COL6A5: variants seen among roughly 807,000 people sequenced by gnomAD.
The protein encoded by COL6A5 is collagen type VI alpha 5 chain.
In COL6A5, 48 loss-of-function variants were observed where a neutral mutation model predicts 65.6. That is an observed-to-expected ratio of 0.73 (90% CI 0.58 to 0.93). COL6A5 has a LOEUF of 0.93. Among genes scored for constraint, COL6A5 ranks in the 40% least tolerant of loss-of-function variants. The pLI, the probability that COL6A5 is intolerant of heterozygous loss-of-function variation, is 0.00. For missense variants in COL6A5, 914 were observed against 928.3 expected, an observed-to-expected ratio of 0.98 and a Z score of 0.20; for synonymous variants, 291 against 322.8, an observed-to-expected ratio of 0.90 and a Z score of 1.05.
At chr3:130,465,720 C>T (rs1216883900) in intron 5 of COL6A5, among the ~76,000 whole-genome samples, 3 of 152,008 alleles carry the variant, frequency 2.0e-5, no homozygotes, top group South Asian at 2.1e-4. Flanking sequence ...AAGCACAAAA[C>T]ATAATGAAGA....
intron 1 of COL6A5, among the ~76,000 whole-genome samples, chr3:130,362,310 A>T (rs1290439057): frequency 1.3e-5 from 1 of 76,790 alleles, no homozygotes; most frequent in Admixed American, 1.4e-4. Flanking sequence ...ATATATATAT[A>T]TATATATATA....
chr3:130,473,413 C>T (rs1387882120), intron 7 of COL6A5, among the ~76,000 whole-genome samples: 2 of 151,944 alleles, frequency 1.3e-5, no homozygotes, highest in Non-Finnish European at 2.9e-5. Flanking sequence ...GAAAAGAGGC[C>T]CCATGCATTA....
chr3:130,436,530 G>T (rs1030945259), intron 1 of COL6A5, among the ~76,000 whole-genome samples: 1 of 152,064 alleles, frequency 6.6e-6, no homozygotes, highest in Non-Finnish European at 1.5e-5. Context: ...GTCACATTTG[G>T]ATTCCTACTA....
chr3:130,418,425 A>G lies in COL6A5; in HGVS notation c.4888-444A>G, dbSNP rs115594554. On this transcript the variant is annotated intron_variant and NMD_transcript_variant, in intron 24 of 41. Coordinates refer to the COL6A5 transcript ENST00000312481. ...CTCAGGCTCACCAAATCTGACTTAGACTCCCCTTCTGTTTGCTTCCATAGC... is the reference window on the plus strand; with the variant it reads ...CTCAGGCTCACCAAATCTGACTTAGGCTCCCCTTCTGTTTGCTTCCATAGC... 7.6e-3 allele frequency among the ~76,000 whole-genome samples: 1,145 copies of G among 151,184 alleles called. 17 individuals carry two copies. The highest frequency in any genetic ancestry group is 0.025 in the African/African-American group (1,044 of 41,144).
At chr3:130,383,129 A>G (rs942552261) in intron 4 of COL6A5, among the ~76,000 whole-genome samples, 3 of 152,074 alleles carry the variant, frequency 2.0e-5, no homozygotes, top group African/African-American at 7.2e-5. Context: ...TGAGGCCTTG[A>G]GCCAAGGGAC....
At chr3:130,355,367 A>G (rs1934885706) in intron 1 of COL6A5, among the ~76,000 whole-genome samples, 1 of 152,184 alleles carries the variant, frequency 6.6e-6, no homozygotes, top group Admixed American at 6.5e-5. Flanking sequence ...TGCCCCTATA[A>G]AACACAAACA....
chr3:130,403,481 A>G, intron 12 of COL6A5, 128 bp from the exon 13 acceptor site: 1 of 715,348 alleles, frequency 1.4e-6, no homozygotes, highest in Non-Finnish European at 2.4e-6. Flanking sequence ...CCCCAAACTC[A>G]CGGCCACATC....
At chr3:130,385,258 A>G (rs1437910395) in exon 5 of COL6A5, 15 of 1,550,860 alleles carry the variant, frequency 9.7e-6, no homozygotes, top group Non-Finnish European at 1.2e-5. Flanking sequence ...ATAAAATAGA[A>G]CTGCAAGAAA....
At position 130,395,523 on chromosome 3, in the gene COL6A5, A is replaced by G. The variant is rs61588846; in HGVS notation, c.3568+58A>G. ...AAACTTCTCATTTCTCCATTTCCCA[A>G]GAGTGTCTTATGGGCTAGCTCTAGC... is the stretch of plus-strand genomic sequence containing the variant. On this transcript the variant is annotated intron_variant and NMD_transcript_variant, in intron 8 of 41. Coordinates refer to the COL6A5 transcript ENST00000312481. 9.3e-4 allele frequency: 1,192 copies of G among 1,286,620 alleles called. 10 individuals are homozygous for G. In the African/African-American group the frequency reaches 0.015, roughly 16 times the overall value. The allele number at this position is 1,286,620 out of a possible 1,614,324, so 79.7% of individuals were successfully genotyped here. A position where few individuals can be genotyped will look rare whatever the true frequency, so the allele number is the denominator to read the frequency against.
intron 5 of COL6A5, among the ~76,000 whole-genome samples, chr3:130,464,154 T>G (rs998906982): frequency 1.3e-5 from 2 of 152,044 alleles, no homozygotes; most frequent in Admixed American, 6.6e-5. Context: ...TTTTTAGAGA[T>G]AGGATTTTGC....
chr3:130,476,505 T>G (rs968210232), intron 7 of COL6A5, among the ~76,000 whole-genome samples: 1 of 152,106 alleles, frequency 6.6e-6, no homozygotes, highest in African/African-American at 2.4e-5. Flanking sequence ...CTAGTTATTT[T>G]TTTGAAAAGT....
chr3:130,391,332 A>G lies in COL6A5; in HGVS notation c.2570A>G (p.Lys857Arg), dbSNP rs975591290. Reference sequence around the variant, plus strand: ...GACCGAGTTCAGTTTGGAGCCCTCAAATACTCTGACCAACCTAACATCCTT... The same window carrying G: ...GACCGAGTTCAGTTTGGAGCCCTCAGATACTCTGACCAACCTAACATCCTT... Residue 857 changes from lysine to arginine, a missense_variant and NMD_transcript_variant, in exon 7 of 42, where the codon AAA (lysine) becomes AGA (arginine). By Grantham distance (26) the Lys-to-Arg change is conservative. Coordinates refer to the COL6A5 transcript ENST00000312481. 1.3e-5 allele frequency: 20 copies of G among 1,551,586 alleles called. No individual in the cohort carries two copies. The highest frequency in any genetic ancestry group is 1.7e-5 in the Non-Finnish European group (19 of 1,146,982).
chr3:130,433,123 G>A (rs1566136), intron 1 of COL6A5, among the ~76,000 whole-genome samples: 102,744 of 151,944 alleles, frequency 0.68, 35,308 homozygotes, highest in Non-Finnish European at 0.74. Context: ...GCGTTTTTTG[G>A]AAATAGGAGC....
chr3:130,422,017 CA>C (rs764840415), intron 27 of COL6A5, among the ~76,000 whole-genome samples: 102 of 152,178 alleles, frequency 6.7e-4, no homozygotes, highest in Non-Finnish European at 1.1e-3. Flanking sequence ...ATGTCTTCTA[CA>C]TAAGTGATGC....
intron 8 of COL6A5, among the ~76,000 whole-genome samples, chr3:130,396,199 G>A (rs1490166804): frequency 6.6e-6 from 1 of 152,254 alleles, no homozygotes; most frequent in East Asian, 1.9e-4. Context: ...AGGACAGCAT[G>A]TAAGGAAGCA....
At chr3:130,444,500 G>A (rs544349157) in intron 4 of COL6A5, among the ~76,000 whole-genome samples, 7 of 152,174 alleles carry the variant, frequency 4.6e-5, no homozygotes, top group South Asian at 2.1e-4. Context: ...CACAATCCAC[G>A]TTCTTCCGCC....
exon 3 of COL6A5, chr3:130,376,673 G>A (rs1935790147): frequency 1.2e-6 from 2 of 1,613,414 alleles, no homozygotes; most frequent in East Asian, 2.2e-5. Context: ...TCTCCGTGGG[G>A]GTGCAGAAAG....
intron 10 of COL6A5, among the ~76,000 whole-genome samples, chr3:130,400,523 T>C (rs1936779609): frequency 6.6e-6 from 1 of 152,160 alleles, no homozygotes; most frequent in South Asian, 2.1e-4. Context: ...GAACTGGATG[T>C]GGTCAGGAGT....
chr3:130,477,742 T>A (rs936695211), intron 7 of COL6A5, among the ~76,000 whole-genome samples: 1 of 152,068 alleles, frequency 6.6e-6, no homozygotes, highest in African/African-American at 2.4e-5. Context: ...ATTATAAATA[T>A]CAAGTCTAAA....
Sources: gnomAD v4.1 joint callset for allele counts (sites outside exome capture counted in the v4.1 genomes callset) on GRCh38, gnomAD v4.1.1 for gene constraint, MANE v1.5 for transcripts, NCBI Gene and HGNC (gene_info 2026-07-23, HGNC 2026-07-21) for gene names.